Variants in KIFAP3 observed in about 807,000 individuals in gnomAD.
The protein encoded by KIFAP3 is kinesin-associated protein 3.
KIFAP3 carries 68 observed loss-of-function variants against 106.5 expected under a neutral mutation model. That is an observed-to-expected ratio of 0.64 (90% CI 0.53 to 0.78). The LOEUF is 0.78. Ranked by LOEUF, KIFAP3 falls within the 30% of genes least tolerant of loss-of-function variation. The pLI, the probability that KIFAP3 is intolerant of heterozygous loss-of-function variation, is 0.00. For missense variants in KIFAP3, 780 were observed against 941.8 expected, an observed-to-expected ratio of 0.83 and a Z score of 2.25; for synonymous variants, 320 against 311.5, an observed-to-expected ratio of 1.03 and a Z score of -0.29.
Position 169,982,779 on chromosome 1 carries a change from G to T in KIFAP3, c.1595C>A (p.Thr532Asn), listed in dbSNP as rs1241436225. The T allele has an allele frequency of 1.2e-6, 2 of 1,609,304 alleles. No individual in the cohort carries two copies. Among genetic ancestry groups the T allele is most frequent in the Non-Finnish European group, 1.7e-6 (2 of 1,176,890 alleles). ...IECLGTLANL[T>N]IPDLDWELVL... is the part of the protein sequence containing the mutation. The stretch of plus-strand genomic sequence containing the variant: ...CAATTCCCAGTCTAAGTCTGGAATG[G>T]TCAAGTTTGCAAGAGTTCCCAAACA... The change falls in exon 14 of 20, where the codon ACC becomes AAC. Residue 532 changes from threonine to asparagine, a missense_variant. By Grantham distance (65) the Thr-to-Asn change is moderately conservative. This residue lies in a region of KIFAP3 where 588 missense variants were observed against 678.9 expected (regional missense o/e 0.87). Transcript: ENST00000361580.
chr1:170,039,847 T>C (rs1571714195), intron 3 of KIFAP3, among the ~76,000 whole-genome samples: 1 of 152,142 alleles, frequency 6.6e-6, no homozygotes, highest in Non-Finnish European at 1.5e-5. Context: ...TCCTCACTTA[T>C]TCCCAAATAA....
At chr1:170,006,970 A>G (rs1308914565) in intron 10 of KIFAP3, among the ~76,000 whole-genome samples, 1 of 152,152 alleles carries the variant, frequency 6.6e-6, no homozygotes, top group African/African-American at 2.4e-5. Flanking sequence ...AATTGTAAAG[A>G]AGAGGTGGAA....
intron 9 of KIFAP3, among the ~76,000 whole-genome samples, chr1:170,020,716 CAAAGGCAATTTCAA>C (rs1392316659): frequency 6.8e-4 from 103 of 152,190 alleles, no homozygotes; most frequent in African/African-American, 2.4e-3. Context: ...CAATAAGGTG[CAAAGGCAATTTCAA>C]TAAGGTACAA....
Position 170,025,774 on chromosome 1 carries a change from A to G in KIFAP3, c.842-1178T>C, listed in dbSNP as rs138394177. ...AAAGCTCATATATTTACACTATTAC[A>G]TTATGCTGACTTTCTATGCAAGGCA... On this transcript the variant is annotated intron_variant, in intron 8 of 19. Coordinates refer to ENST00000361580, the MANE Select transcript of KIFAP3 (RefSeq NM_014970.4). Among the ~76,000 whole-genome samples, 275 of 152,340 alleles carry G rather than the reference A, an allele frequency of 1.8e-3. 3 individuals are homozygous for G. Among genetic ancestry groups the G allele is most frequent in the African/African-American group, 6.3e-3 (263 of 41,584 alleles).
intron 8 of KIFAP3, among the ~76,000 whole-genome samples, chr1:170,026,219 G>A (rs528934384): frequency 1.3e-5 from 2 of 152,214 alleles, no homozygotes; most frequent in South Asian, 2.1e-4. Context: ...CCTTGACTTT[G>A]GCCTTCCCCC....
chr1:169,953,906 TC>T, intron 19 of KIFAP3, 104 bp downstream of exon 19: 2 of 775,310 alleles, frequency 2.6e-6, no homozygotes, highest in Non-Finnish European at 2.3e-6. Flanking sequence ...GAGGGTTTTT[TC>T]CCCCCTCTTA....
rs564229800 is a variant in KIFAP3, at chr1:170,016,532, T to C, written c.1113A>G (p.Leu371=). 7 of 1,609,682 alleles carry C rather than the reference T, an allele frequency of 4.3e-6. No homozygotes were observed. In the East Asian group the frequency reaches 9.0e-5, roughly 21 times the overall value. ...LNITLRLLLN[L]SFDTGLRNKM... is the part of the protein sequence containing the mutation. The stretch of plus-strand genomic sequence containing the variant: ...TATTCCTCAGTCCTGTGTCAAAGGA[T>C]AGGTTTAGTAAAAGTCGGAGGGTGA... The change falls in exon 10 of 20, where the codon CTA becomes CTG. Residue 371 remains leucine (L), a synonymous_variant. Transcript: ENST00000361580.
intron 1 of KIFAP3, among the ~76,000 whole-genome samples, chr1:170,082,137 A>T (rs987811253): frequency 6.6e-6 from 1 of 152,214 alleles, no homozygotes; most frequent in Non-Finnish European, 1.5e-5. Context: ...TTGCTCACAA[A>T]TGTTCATGGT....
At chr1:170,047,620 CAAAA>C (rs1165754265) in intron 2 of KIFAP3, among the ~76,000 whole-genome samples, 107 of 46,192 alleles carry the variant, frequency 2.3e-3, no homozygotes, top group African/African-American at 7.6e-3. Context: ...GGCTCTGTCT[CAAAA>C]AAAAAAAAAA....
In KIFAP3 at chr1:169,949,558, G is replaced by A. The variant is rs576451110; in HGVS notation, c.2273+4453C>T. Reference sequence around the variant, plus strand: ...AGTTTAAAAATACCCTTAACATGCGGTTCTTGTTAGTCTTGAAAAGTAAAA... The same window carrying A: ...AGTTTAAAAATACCCTTAACATGCGATTCTTGTTAGTCTTGAAAAGTAAAA... On this transcript the variant is annotated intron_variant, in intron 19 of 19. Transcript: ENST00000361580. 2.0e-5 allele frequency among the ~76,000 whole-genome samples: 3 copies of A among 152,150 alleles called. No homozygotes were observed. The South Asian group carries it at 6.2e-4, about 32-fold the overall frequency.
chr1:169,982,180 A>G lies in KIFAP3; in HGVS notation c.1673-83T>C, dbSNP rs947400480. The G allele has an allele frequency of 4.5e-6, 6 of 1,344,448 alleles. No homozygotes were observed. In the African/African-American group the frequency reaches 7.3e-5, roughly 16 times the overall value. 83.3% of individuals were successfully genotyped at this position (1,344,448 alleles called of 1,614,324 possible). ...AGAGTATCAAAATGTAAATACACAG[A>G]AAGGATACTGAAAGCTATTAAATCA... On this transcript the variant is annotated intron_variant, in intron 14 of 19. Transcript: ENST00000361580.
chr1:169,990,166 A>G (rs1197796941), intron 11 of KIFAP3: 17 of 1,469,004 alleles, frequency 1.2e-5, no homozygotes, highest in Non-Finnish European at 1.5e-5. Context: ...TCAGTATGAA[A>G]TGAGAACACT....
intron 8 of KIFAP3, among the ~76,000 whole-genome samples, chr1:170,026,372 CA>C (rs1317777988): frequency 2.6e-5 from 4 of 152,110 alleles, no homozygotes; most frequent in African/African-American, 9.7e-5. Flanking sequence ...CTGAAATACA[CA>C]AAACAAAGAT....
At chr1:170,061,621 T>C (rs1315632131) in intron 1 of KIFAP3, among the ~76,000 whole-genome samples, 1 of 152,152 alleles carries the variant, frequency 6.6e-6, no homozygotes, top group Non-Finnish European at 1.5e-5. Flanking sequence ...CTCAAGGATC[T>C]AGAACTAGAA....
At chr1:169,994,877 A>C (rs1254811860) in intron 10 of KIFAP3, among the ~76,000 whole-genome samples, 1 of 152,102 alleles carries the variant, frequency 6.6e-6, no homozygotes, top group East Asian at 1.9e-4. Context: ...AATTAGAGTC[A>C]GAGATAGGCT....
At chr1:170,026,046 C>G (rs1200452869) in intron 8 of KIFAP3, among the ~76,000 whole-genome samples, 3 of 151,974 alleles carry the variant, frequency 2.0e-5, no homozygotes, top group Non-Finnish European at 1.5e-5. Context: ...TAACAGAGAC[C>G]GACAGAGTGG....
intron 16 of KIFAP3, among the ~76,000 whole-genome samples, chr1:169,977,135 A>C (rs1666257649): frequency 6.6e-6 from 1 of 152,228 alleles, no homozygotes; most frequent in Non-Finnish European, 1.5e-5. Flanking sequence ...CTAACACATA[A>C]GCCAGTATCT....
chr1:170,009,907 T>A (rs1238300743), intron 10 of KIFAP3, among the ~76,000 whole-genome samples: 1 of 152,064 alleles, frequency 6.6e-6, no homozygotes, highest in Non-Finnish European at 1.5e-5. Flanking sequence ...CGTAACACTA[T>A]AAAAATCCCC....
intron 18 of KIFAP3, among the ~76,000 whole-genome samples, chr1:169,959,465 GT>G (rs1006953485): frequency 2.6e-5 from 4 of 152,026 alleles, no homozygotes; most frequent in African/African-American, 7.2e-5. Flanking sequence ...ATGTTTCTAA[GT>G]TTTGGTGTAT....
Sources: gnomAD v4.1 joint callset for allele counts (sites outside exome capture counted in the v4.1 genomes callset) on GRCh38, gnomAD v4.1.1 for gene constraint, gnomAD v4.1.1 regional missense constraint, MANE v1.5 for transcripts, NCBI Gene and HGNC (gene_info 2026-07-23, HGNC 2026-07-21) for gene names.